UGGT2: variants seen among roughly 807,000 people sequenced by gnomAD.
UGGT2 encodes the protein UDP-glucose:glycoprotein glucosyltransferase 2.
Under a neutral mutation model 192.1 loss-of-function variants are expected in UGGT2, and 180 were observed. The ratio of observed to expected loss-of-function variants is 0.94; its 90% CI spans 0.83 to 1.06. The LOEUF is 1.06. Ranked by LOEUF, UGGT2 falls within the 50% of genes least tolerant of loss-of-function variation. UGGT2 has a pLI of 0.00. For missense variants in UGGT2, 1,849 were observed against 1,795.7 expected, an observed-to-expected ratio of 1.03 and a Z score of -0.54; for synonymous variants, 580 against 591.0, an observed-to-expected ratio of 0.98 and a Z score of 0.27.
intron 20 of UGGT2, among the ~76,000 whole-genome samples, chr13:95,913,081 A>G (rs2048556850): frequency 6.6e-6 from 1 of 152,224 alleles, no homozygotes; most frequent in African/African-American, 2.4e-5. Context: ...TTATACAAAA[A>G]TTAATTCAAG....
intron 20 of UGGT2, among the ~76,000 whole-genome samples, chr13:95,909,451 A>C (rs1160487456): frequency 6.6e-6 from 1 of 151,446 alleles, no homozygotes; most frequent in Non-Finnish European, 1.5e-5. Context: ...TGTCCTTTGT[A>C]GGGACATGGA....
chr13:96,023,564 A>G, intron 3 of UGGT2, 65 bp downstream of exon 3: 17 of 1,473,432 alleles, frequency 1.2e-5, no homozygotes, highest in Non-Finnish European at 1.4e-5. Flanking sequence ...TGTTCATATT[A>G]AAGAACTCTA....
intron 9 of UGGT2, among the ~76,000 whole-genome samples, chr13:95,984,251 C>G (rs546442472): frequency 1.3e-5 from 2 of 152,232 alleles, no homozygotes; most frequent in African/African-American, 4.8e-5. Context: ...AACCTGGGAA[C>G]CTACCAGAGT....
intron 22 of UGGT2, among the ~76,000 whole-genome samples, chr13:95,897,142 T>C (rs1287874182): frequency 6.6e-6 from 1 of 152,032 alleles, no homozygotes; most frequent in Non-Finnish European, 1.5e-5. Flanking sequence ...TGTGTTTGGG[T>C]TCCTTCTATG....
chr13:95,912,577 G>A (rs774535648), intron 20 of UGGT2, among the ~76,000 whole-genome samples: 1 of 152,124 alleles, frequency 6.6e-6, no homozygotes, highest in Non-Finnish European at 1.5e-5. Context: ...ACTGCTCAAA[G>A]AAATAAAAGA....
At chr13:95,877,416 G>A (rs774180669) in intron 28 of UGGT2, 52 bp from the exon 29 acceptor site, 14 of 1,406,204 alleles carry the variant, frequency 1.0e-5, no homozygotes, top group Admixed American at 2.0e-5. Flanking sequence ...AAAAACCATC[G>A]AATTGCTCAT....
intron 38 of UGGT2, among the ~76,000 whole-genome samples, chr13:95,815,325 T>C (rs983546726): frequency 9.2e-5 from 14 of 152,226 alleles, no homozygotes; most frequent in Non-Finnish European, 1.8e-4. Context: ...CTGTGAACTC[T>C]ACAACTATAA....
chr13:95,875,564 C>G (rs1207814218), intron 29 of UGGT2, among the ~76,000 whole-genome samples: 1 of 152,178 alleles, frequency 6.6e-6, no homozygotes, highest in Non-Finnish European at 1.5e-5. Context: ...AATTCTAAAA[C>G]ACATATGGCC....
In UGGT2 at chr13:95,925,743, C is replaced by A. The variant is rs368744032; in HGVS notation, c.2232G>T (p.Trp744Cys). 2 of 1,570,426 alleles carry A rather than the reference C, an allele frequency of 1.3e-6. No individual in the cohort carries two copies. The highest frequency in any genetic ancestry group is 2.3e-5 in the East Asian group (1 of 43,972). Reference sequence around the variant, plus strand: ...AAGGCTTATCAAAATCTGCAATAATCCAGAGAGTGACTGCAGAAATTATAC... The same window carrying A: ...AAGGCTTATCAAAATCTGCAATAATACAGAGAGTGACTGCAGAAATTATAC... ...DESIISAVTL[W>C]IIADFDKPSG... The change falls in exon 20 of 39, where the codon TGG (tryptophan) becomes TGT (cysteine). Residue 744 changes from tryptophan (W) to cysteine (C), a missense_variant. Trp to Cys is a radical substitution (Grantham distance 215). Transcript: ENST00000376747.
At chr13:96,048,439 C>T (rs1047157273) in intron 1 of UGGT2, among the ~76,000 whole-genome samples, 8 of 152,082 alleles carry the variant, frequency 5.3e-5, no homozygotes, top group African/African-American at 1.7e-4. Flanking sequence ...GAAGCAGGAG[C>T]AACCACATTC....
intron 34 of UGGT2, 77 bp from the exon 35 acceptor site, chr13:95,854,552 T>A: frequency 7.8e-7 from 1 of 1,280,242 alleles, no homozygotes; most frequent in South Asian, 1.7e-5. Flanking sequence ...CTCAAATCAT[T>A]ATTACTCTAC....
chr13:95,876,511 T>C (rs1159430901), intron 29 of UGGT2, among the ~76,000 whole-genome samples: 13 of 152,134 alleles, frequency 8.5e-5, no homozygotes, highest in Admixed American at 8.5e-4. Context: ...CAGCATTAAG[T>C]TGGGGCTGTG....
chr13:95,846,826 T>C (rs1232334884), intron 36 of UGGT2, among the ~76,000 whole-genome samples: 5 of 152,208 alleles, frequency 3.3e-5, no homozygotes, highest in Admixed American at 6.5e-5. Context: ...ATCAAAGTTG[T>C]TGAAGGTATT....
intron 10 of UGGT2, among the ~76,000 whole-genome samples, chr13:95,974,241 A>G (rs1354844486): frequency 6.6e-6 from 1 of 152,234 alleles, no homozygotes; most frequent in African/African-American, 2.4e-5. Flanking sequence ...GTCTTTAGCT[A>G]CTTTAGATGT....
intron 4 of UGGT2, among the ~76,000 whole-genome samples, chr13:96,013,734 A>G (rs1360005195): frequency 6.6e-6 from 1 of 152,142 alleles, no homozygotes; most frequent in East Asian, 1.9e-4. Context: ...AAACAATAAC[A>G]TATAATGGCA....
chr13:96,003,232 T>C (rs2051864672), intron 5 of UGGT2, among the ~76,000 whole-genome samples: 2 of 152,168 alleles, frequency 1.3e-5, no homozygotes, highest in Non-Finnish European at 2.9e-5. Flanking sequence ...ATTGGCAAGG[T>C]GTTTACAGTC....
chr13:95,855,296 T>C (rs970227464), intron 34 of UGGT2, among the ~76,000 whole-genome samples: 14 of 151,644 alleles, frequency 9.2e-5, no homozygotes, highest in African/African-American at 2.9e-4. Flanking sequence ...TTAAAAGAAA[T>C]TGAAATATAC....
chr13:95,968,253 A>G (rs2050652573), intron 12 of UGGT2, among the ~76,000 whole-genome samples: 1 of 152,190 alleles, frequency 6.6e-6, no homozygotes, highest in Non-Finnish European at 1.5e-5. Context: ...GGTAAGAGAA[A>G]AAATGAAAAA....
intron 36 of UGGT2, among the ~76,000 whole-genome samples, chr13:95,845,477 G>A (rs1027090447): frequency 4.7e-5 from 7 of 150,186 alleles, no homozygotes; most frequent in Middle Eastern, 3.4e-3. Context: ...CAGAGAGCAC[G>A]GGGTTGGGGG....
Sources: gnomAD v4.1 joint callset for allele counts (sites outside exome capture counted in the v4.1 genomes callset) on GRCh38, gnomAD v4.1.1 for gene constraint, MANE v1.5 for transcripts, NCBI Gene and HGNC (gene_info 2026-07-23, HGNC 2026-07-21) for gene names.